KIF6: variants seen among roughly 807,000 people sequenced by gnomAD.
KIF6 encodes kinesin-like protein KIF6.
KIF6 carries 106 observed loss-of-function variants against 112.7 expected under a neutral mutation model. That is an observed-to-expected ratio of 0.94 (90% CI 0.80 to 1.11). The LOEUF (loss-of-function observed/expected upper bound fraction) is 1.11. KIF6 is among the 50% of genes least tolerant of loss of function. The probability of loss-of-function intolerance (pLI) is 0.00; values close to 1 mark genes in which losing one functional copy is unlikely to be tolerated. For missense variants in KIF6, 929 were observed against 964.0 expected, an observed-to-expected ratio of 0.96 and a Z score of 0.48; for synonymous variants, 339 against 339.9, an observed-to-expected ratio of 1.00 and a Z score of 0.03.
chr6:39,561,951 C>A (rs944523558), intron 10 of KIF6, among the ~76,000 whole-genome samples: 1 of 152,134 alleles, frequency 6.6e-6, no homozygotes, highest in African/African-American at 2.4e-5. Flanking sequence ...TGATACTGAC[C>A]GAAACAAGAA....
intron 16 of KIF6, among the ~76,000 whole-genome samples, chr6:39,363,248 G>A (rs1423262526): frequency 6.6e-6 from 1 of 152,204 alleles, no homozygotes; most frequent in African/African-American, 2.4e-5. Flanking sequence ...CTGCACAAGT[G>A]GAGGTGCTTA....
intron 1 of KIF6, among the ~76,000 whole-genome samples, chr6:39,722,633 A>T (rs1333676566): frequency 6.6e-6 from 1 of 152,234 alleles, no homozygotes; most frequent in African/African-American, 2.4e-5. Flanking sequence ...ATGAAGAGAA[A>T]GAAAAAAATT....
intron 3 of KIF6, among the ~76,000 whole-genome samples, chr6:39,671,867 C>T (rs1397146449): frequency 3.9e-5 from 6 of 152,302 alleles, no homozygotes; most frequent in South Asian, 2.1e-4. Flanking sequence ...GGGTTGTCTT[C>T]GGGTACTCTG....
chr6:39,344,564 C>T (rs1207346823), intron 21 of KIF6, among the ~76,000 whole-genome samples: 1 of 152,128 alleles, frequency 6.6e-6, no homozygotes, highest in African/African-American at 2.4e-5. Context: ...GCTTCCTCTC[C>T]CTGGACTGCC....
At chr6:39,429,907 C>CA (rs34662235) in intron 14 of KIF6, among the ~76,000 whole-genome samples, 3,925 of 141,162 alleles carry the variant, frequency 0.028, 67 homozygotes, top group Non-Finnish European at 0.03. Flanking sequence ...GACTCTGTCT[C>CA]AAAAAAAAAA....
At chr6:39,534,661 TC>T (rs1325537764) in intron 13 of KIF6, among the ~76,000 whole-genome samples, 10 of 152,086 alleles carry the variant, frequency 6.6e-5, no homozygotes, top group Non-Finnish European at 1.5e-4. Context: ...CAGGAGAACT[TC>T]CCCAATCGAG....
intron 13 of KIF6, among the ~76,000 whole-genome samples, chr6:39,440,889 G>C (rs1771881320): frequency 6.6e-6 from 1 of 152,180 alleles, no homozygotes; most frequent in South Asian, 2.1e-4. Flanking sequence ...CAGAAACCCA[G>C]GTGCAGGACA....
chr6:39,334,670 C>T lies in KIF6; in HGVS notation c.*1862G>A, dbSNP rs1330293826. On this transcript the variant is annotated 3_prime_UTR_variant, in exon 23 of 23. Transcript: ENST00000287152. Reference sequence around the variant, plus strand: ...AAAATAAAAGTTAGTAGACTCTACCCAGCTCTAGAGGGCTGAGGGCACTAA... The same window carrying T: ...AAAATAAAAGTTAGTAGACTCTACCTAGCTCTAGAGGGCTGAGGGCACTAA... The T allele has an allele frequency of 6.6e-6, 1 of 152,146 alleles. No homozygotes were observed. Among genetic ancestry groups the T allele is most frequent in the Non-Finnish European group, 1.5e-5 (1 of 68,034 alleles). The allele number at this position is 152,146 out of a possible 1,614,324, so 9.4% of individuals were successfully genotyped here.
intron 3 of KIF6, among the ~76,000 whole-genome samples, chr6:39,684,786 T>C (rs1434019332): frequency 2.0e-5 from 3 of 149,426 alleles, no homozygotes; most frequent in Non-Finnish European, 4.4e-5. Context: ...TGAAACTCTG[T>C]CTCGAAAAAA....
At chr6:39,421,365 C>T (rs10807207) in intron 14 of KIF6, among the ~76,000 whole-genome samples, 109,212 of 152,128 alleles carry the variant, frequency 0.72, 41,852 homozygotes, top group South Asian at 0.9. Flanking sequence ...ATTAATTGTC[C>T]AGTTTTATTT....
intron 5 of KIF6, among the ~76,000 whole-genome samples, chr6:39,624,332 T>C (rs1347310828): frequency 6.6e-6 from 1 of 152,196 alleles, no homozygotes; most frequent in African/African-American, 2.4e-5. Context: ...ATACATGGTA[T>C]TAACACTCTC....
chr6:39,453,875 A>G (rs191995254), intron 13 of KIF6, among the ~76,000 whole-genome samples: 1 of 152,132 alleles, frequency 6.6e-6, no homozygotes, highest in Non-Finnish European at 1.5e-5. Flanking sequence ...AGTTCTCTCC[A>G]TATTCCCCTT....
chr6:39,663,591 G>A (rs1189413939), intron 3 of KIF6, among the ~76,000 whole-genome samples: 1 of 152,034 alleles, frequency 6.6e-6, no homozygotes, highest in Non-Finnish European at 1.5e-5. Flanking sequence ...ATGTTGATGA[G>A]GGGAATTTAT....
At chr6:39,625,969 G>A (rs969186161) in intron 5 of KIF6, among the ~76,000 whole-genome samples, 5 of 152,092 alleles carry the variant, frequency 3.3e-5, no homozygotes, top group Non-Finnish European at 7.4e-5. Flanking sequence ...AGAGATTTAG[G>A]GCAGGGAGTA....
At chr6:39,594,054 T>C (rs1782099428) in intron 7 of KIF6, among the ~76,000 whole-genome samples, 1 of 152,164 alleles carries the variant, frequency 6.6e-6, no homozygotes, top group Non-Finnish European at 1.5e-5. Context: ...TTATAAATAT[T>C]TGTTTGATAA....
At chr6:39,337,191 C>CTTTCTTTCTTTCTTTCTTTCTTTCTT (rs1763038675) in intron 22 of KIF6, among the ~76,000 whole-genome samples, 1 of 88,282 alleles carries the variant, frequency 1.1e-5, no homozygotes, top group African/African-American at 8.7e-5. Context: ...TTCTTTCTTT[C>CTTTCTTTCTTTCTTTCTTTCTTTCTT]TTTCTTTCTT....
At position 39,639,680 on chromosome 6, in the gene KIF6, C is replaced by G. The variant is rs143055453; in HGVS notation, c.329G>C (p.Gly110Ala). The change falls in exon 4 of 23, where the codon GGT (glycine) becomes GCT (alanine). Residue 110 changes from glycine (G) to alanine (A), a missense_variant. Gly to Ala is a moderately conservative substitution (Grantham distance 60, BLOSUM62 0). Transcript: ENST00000287152. Reference protein sequence around the residue: ...GSGKTFTITGGAERYSDRGII... With the variant: ...GSGKTFTITGAAERYSDRGII... ...GCCTCTGTCACTGTAACGCTCTGCA[C>G]CCCCTGTGATAGTGAATGTCTTCCC... is the stretch of plus-strand genomic sequence containing the variant. 6.6e-5 allele frequency: 107 copies of G among 1,611,736 alleles called. 1 individual carries two copies. The highest frequency in any genetic ancestry group is 1.3e-4 in the South Asian group (12 of 90,762).
At chr6:39,473,584 A>T (rs1056864056) in intron 13 of KIF6, among the ~76,000 whole-genome samples, 1 of 152,224 alleles carries the variant, frequency 6.6e-6, no homozygotes, top group Non-Finnish European at 1.5e-5. Flanking sequence ...AGCAGTATGC[A>T]GTAGATTTTT....
At chr6:39,391,019 C>T (rs73735525) in intron 15 of KIF6, among the ~76,000 whole-genome samples, 99 of 152,332 alleles carry the variant, frequency 6.5e-4, no homozygotes, top group African/African-American at 2.3e-3. Flanking sequence ...TTCATGTCCC[C>T]CTTGCTAATA....
Sources: gnomAD v4.1 joint callset for allele counts (sites outside exome capture counted in the v4.1 genomes callset) on GRCh38, gnomAD v4.1.1 for gene constraint, MANE v1.5 for transcripts, NCBI Gene and HGNC (gene_info 2026-07-23, HGNC 2026-07-21) for gene names.